Variants in FAM47E observed in about 807,000 individuals in gnomAD.
FAM47E encodes the protein family with sequence similarity 47 member E.
A neutral mutation model predicts 41.6 loss-of-function variants in FAM47E; 32 were observed. The ratio of observed to expected loss-of-function variants is 0.77; its 90% CI spans 0.58 to 1.03. The LOEUF (loss-of-function observed/expected upper bound fraction) is 1.03. Among genes scored for constraint, FAM47E ranks in the 50% least tolerant of loss-of-function variants. FAM47E has a pLI of 0.00. For synonymous variants in FAM47E, 184 were observed against 188.7 expected, an observed-to-expected ratio of 0.98 and a Z score of 0.20; for missense variants, 424 against 485.4, an observed-to-expected ratio of 0.87 and a Z score of 1.19.
Position 76,273,973 on chromosome 4 carries a change from T to C in FAM47E, c.870+2205T>C, listed in dbSNP as rs1734997407. On this transcript the variant is annotated intron_variant, in intron 5 of 7. Coordinates refer to ENST00000424749, the MANE Select transcript of FAM47E (RefSeq NM_001136570.3). ...ACTTAGGTCTTTTTAATTTATATCT[T>C]CCATGTCTCAACTTCACCTTTTGCG... is the stretch of plus-strand genomic sequence containing the variant. 2.0e-5 allele frequency among the ~76,000 whole-genome samples: 3 copies of C among 152,164 alleles called. No individual in the cohort carries two copies. In the South Asian group the frequency reaches 6.2e-4, roughly 32 times the overall value.
rs75324391 is a variant in FAM47E at position 76,255,881 on chromosome 4, A to G, written c.75-297A>G. ...TCAAGGATGTGTACAAACAAAGGAT[A>G]TATTCCAAATCCACTAGGGCAGTTT... On this transcript the variant is annotated intron_variant, in intron 1 of 7. Coordinates refer to ENST00000424749, the MANE Select transcript of FAM47E (RefSeq NM_001136570.3). Among the ~76,000 whole-genome samples, 782 of 152,310 alleles carry G rather than the reference A, an allele frequency of 5.1e-3. 14 individuals are homozygous for G. Among genetic ancestry groups the G allele is most frequent in the African/African-American group, 0.018 (744 of 41,534 alleles).
chr4:76,276,058 ACACACACACACC>A (rs972206928), intron 5 of FAM47E, among the ~76,000 whole-genome samples: 1 of 138,182 alleles, frequency 7.2e-6, no homozygotes, highest in Non-Finnish European at 1.6e-5. Context: ...ACACACACAC[ACACACACACACC>A]CCTCCCCTAC....
chr4:76,283,404 G>C lies in FAM47E; in HGVS notation c.1128G>C (p.Gly376=), dbSNP rs1222777676. ...AGTTCCTTGAGAATATGTATATCGG[G>C]AAGGAATGTAAACGTGCATGTAATA... ...TPRFLENMYI[G]KECKRACNKT... is the part of the protein sequence containing the mutation. Residue 376 remains glycine, a synonymous_variant, in exon 8 of 8, where the codon GGG becomes GGC. Transcript: ENST00000424749. 1.6e-5 allele frequency: 25 copies of C among 1,547,156 alleles called. No individual in the cohort carries two copies. The highest frequency in any genetic ancestry group is 2.1e-5 in the Non-Finnish European group (24 of 1,143,232).
intron 5 of FAM47E, among the ~76,000 whole-genome samples, chr4:76,277,497 A>C (rs1303742819): frequency 6.6e-6 from 1 of 151,498 alleles, no homozygotes; most frequent in Non-Finnish European, 1.5e-5. Context: ...CTCAAAAAAA[A>C]AGAAAGAAAA....
chr4:76,263,691 T>C lies in FAM47E; in HGVS notation c.421-13T>C. The C allele has an allele frequency of 6.5e-7, 1 of 1,548,548 alleles. No individual in the cohort carries two copies. The highest frequency in any genetic ancestry group is 1.2e-5 in the South Asian group (1 of 83,742). ...TGTTTTTCTTTTCCTCTAAGACTAT[T>C]TTCTGTTTGTAGCTCTTATCAAAGG... is the stretch of plus-strand genomic sequence containing the variant. On this transcript the variant is annotated splice_polypyrimidine_tract_variant and intron_variant, in intron 2 of 7. Transcript: ENST00000424749.
At chr4:76,263,653 C>G in intron 2 of FAM47E, 51 bp from the exon 3 acceptor site, 1 of 1,538,066 alleles carries the variant, frequency 6.5e-7, no homozygotes, top group African/African-American at 1.4e-5. Flanking sequence ...AATGGGGACT[C>G]CCTTCTTCAG....
intron 1 of FAM47E, among the ~76,000 whole-genome samples, chr4:76,253,446 A>G (rs1310819365): frequency 1.3e-5 from 2 of 152,166 alleles, no homozygotes; most frequent in Non-Finnish European, 1.5e-5. Flanking sequence ...ATCATGTACT[A>G]GTGTCTGTGA....
At chr4:76,252,067 ATCCCCATT>A (rs1185326842) in intron 1 of FAM47E, among the ~76,000 whole-genome samples, 1 of 152,106 alleles carries the variant, frequency 6.6e-6, no homozygotes, top group Non-Finnish European at 1.5e-5. Flanking sequence ...GTAGACTAAT[ATCCCCATT>A]TCTGATGGGA....
At chr4:76,218,446 A>T (rs969569338) in intron 2 of FAM47E, among the ~76,000 whole-genome samples, 3 of 152,120 alleles carry the variant, frequency 2.0e-5, no homozygotes, top group African/African-American at 7.2e-5. Context: ...TATCACATGC[A>T]CCTGTGCCAG....
chr4:76,246,906 T>C (rs1450567583), upstream of FAM47E, among the ~76,000 whole-genome samples: 1 of 152,124 alleles, frequency 6.6e-6, no homozygotes, highest in Non-Finnish European at 1.5e-5. Flanking sequence ...AATTTCCTTC[T>C]TTTTTTGGTA....
In FAM47E at chr4:76,236,035, G is replaced by C. The variant is rs72858547; in HGVS notation, c.81+18347G>C. 9.5e-3 allele frequency among the ~76,000 whole-genome samples: 1,445 copies of C among 152,296 alleles called. 24 individuals are homozygous for C. Among genetic ancestry groups the C allele is most frequent in the African/African-American group, 0.033 (1,370 of 41,542 alleles). Reference sequence around the variant, plus strand: ...ATGCTCTTACCTGTCTTTTATAACTGTGGCACCAGAGCAAAGTATAACAAC... The same window carrying C: ...ATGCTCTTACCTGTCTTTTATAACTCTGGCACCAGAGCAAAGTATAACAAC... On this transcript the variant is annotated intron_variant, in intron 2 of 7. Transcript: ENST00000510197.
At chr4:76,220,191 AACAAAT>A (rs1733284309) in intron 2 of FAM47E, among the ~76,000 whole-genome samples, 1 of 152,232 alleles carries the variant, frequency 6.6e-6, no homozygotes, top group African/African-American at 2.4e-5. Flanking sequence ...CAGGTACTCA[AACAAAT>A]ACTTGTAAAC....
At chr4:76,257,950 C>T (rs1479669893) in intron 2 of FAM47E, among the ~76,000 whole-genome samples, 2 of 151,714 alleles carry the variant, frequency 1.3e-5, no homozygotes, top group African/African-American at 4.9e-5. Flanking sequence ...AATGAATGAT[C>T]GGTGGGAGAG....
chr4:76,282,050 T>C (rs1388852052), intron 7 of FAM47E: 22 of 56,976 alleles, frequency 3.9e-4, no homozygotes, highest in African/African-American at 8.4e-4. Context: ...CATTTGTATG[T>C]AGAAGTACAG....
chr4:76,225,223 G>A lies in FAM47E; in HGVS notation c.81+7535G>A, dbSNP rs181915445. ...CTTGAGCTGGTTCCATATTTTTCCA[G>A]TTGTGTATTGTGCTGCTATAAAGAC... On this transcript the variant is annotated intron_variant, in intron 2 of 7. Transcript: ENST00000510197. Among the ~76,000 whole-genome samples the A allele has an allele frequency of 1.7e-3, 253 of 152,236 alleles. 1 individual carries two copies. The highest frequency in any genetic ancestry group is 6.1e-3 in the African/African-American group (253 of 41,526).
chr4:76,256,345 G>A lies in FAM47E; in HGVS notation c.242G>A (p.Arg81Lys). ...GGCTTTCTGCCCCAGATTTATCACA[G>A]AGCTCCCCAACTGGCCCCAAAGAAG... ...VEGFLPQIYH[R>K]APQLAPKKRQ... Residue 81 changes from arginine (R) to lysine (K), a missense_variant, in exon 2 of 8, where the codon AGA becomes AAA. Transcript: ENST00000424749. The A allele has an allele frequency of 6.4e-7, 1 of 1,551,718 alleles. No individual in the cohort carries two copies.
chr4:76,214,766 T>A (rs1223805454), intron 1 of FAM47E, among the ~76,000 whole-genome samples: 1 of 152,210 alleles, frequency 6.6e-6, no homozygotes, highest in Non-Finnish European at 1.5e-5. Flanking sequence ...ACTCATTTAA[T>A]ACCCTTGGCA....
Position 76,263,802 on chromosome 4 carries a change from G to A in FAM47E, c.519G>A (p.Thr173=), listed in dbSNP as rs928865980. ...CCAGGAAAGGAATGAAGGAACCCAC[G>A]AAGCTTTTAAAAAAACATTCTACCC... ...QDTRKGMKEP[T]KLLKKHSTQV... Residue 173 remains threonine (T), a synonymous_variant, in exon 3 of 8, where the codon ACG becomes ACA. Coordinates refer to ENST00000424749, the MANE Select transcript of FAM47E (RefSeq NM_001136570.3). The A allele has an allele frequency of 1.8e-5, 28 of 1,551,320 alleles. No individual in the cohort carries two copies. Among genetic ancestry groups the A allele is most frequent in the Admixed American group, 3.9e-5 (2 of 50,964 alleles).
At chr4:76,233,809 G>C (rs1025543137) in intron 2 of FAM47E, among the ~76,000 whole-genome samples, 3 of 152,002 alleles carry the variant, frequency 2.0e-5, no homozygotes, top group African/African-American at 4.8e-5. Flanking sequence ...CCAGATGAAG[G>C]CTTCATTTCA....
Sources: allele counts gnomAD v4.1 joint callset (sites outside exome capture counted in the v4.1 genomes callset), GRCh38; gene constraint gnomAD v4.1.1; transcripts MANE v1.5; gene names NCBI Gene and HGNC (gene_info 2026-07-23, HGNC 2026-07-21).